Variants in PALM2AKAP2 observed in about 807,000 individuals in gnomAD.
PALM2AKAP2 encodes PALM2-AKAP2 fusion protein.
PALM2AKAP2 carries 37 observed loss-of-function variants against 71.5 expected under a neutral mutation model. The ratio of observed to expected loss-of-function variants is 0.52; its 90% confidence interval spans 0.40 to 0.68. The LOEUF (loss-of-function observed/expected upper bound fraction) is 0.68, where lower values mean the gene tolerates loss of function less well. Among genes scored for constraint, PALM2AKAP2 ranks in the 30% least tolerant of loss-of-function variants. The pLI is 0.00. For synonymous variants in PALM2AKAP2, 468 were observed against 478.8 expected (o/e 0.98, Z 0.29); for missense variants, 1,224 against 1,191.8 (o/e 1.03, Z -0.40).
At chr9:109,941,145 CTTTTTTTTTTTT>C (rs34635858) in intron 6 of PALM2AKAP2, among the ~76,000 whole-genome samples, 3 of 106,282 alleles carry the variant, frequency 2.8e-5, no homozygotes, top group Admixed American at 1.0e-4. Context: ...TCTTCCTCTT[CTTTTTTTTTTTT>C]TTTTTTTTTT....
intron 3 of PALM2AKAP2, among the ~76,000 whole-genome samples, chr9:109,898,700 C>T (rs183179798): frequency 2.6e-5 from 4 of 152,296 alleles, no homozygotes; most frequent in African/African-American, 9.6e-5. Context: ...AAAACACTTT[C>T]CCATCCCAAA....
intron 1 of PALM2AKAP2, among the ~76,000 whole-genome samples, chr9:109,809,649 G>A (rs1827675442): frequency 2.0e-5 from 3 of 152,370 alleles, no homozygotes; most frequent in Middle Eastern, 3.4e-3. Flanking sequence ...CTATTGGGAA[G>A]GCATGTTTGT....
upstream of PALM2AKAP2, among the ~76,000 whole-genome samples, chr9:109,779,963 C>G (rs1446850684): frequency 6.6e-6 from 1 of 152,010 alleles, no homozygotes; most frequent in African/African-American, 2.4e-5. Flanking sequence ...CGCGTGTCCA[C>G]GCGGGCGCGC....
chr9:109,791,306 G>T (rs1463436126), intron 1 of PALM2AKAP2, among the ~76,000 whole-genome samples: 1 of 152,246 alleles, frequency 6.6e-6, no homozygotes, highest in Admixed American at 6.5e-5. Flanking sequence ...TGAAAGTAAT[G>T]TAAACTGCTT....
chr9:109,988,954 C>T (rs998282153), intron 6 of PALM2AKAP2, among the ~76,000 whole-genome samples: 5 of 152,154 alleles, frequency 3.3e-5, no homozygotes, highest in Admixed American at 6.5e-5. Flanking sequence ...TTTTGCTTGG[C>T]TCTCATTCTC....
At chr9:109,967,116 CAA>C (rs1285532087) in intron 6 of PALM2AKAP2, among the ~76,000 whole-genome samples, 1 of 152,170 alleles carries the variant, frequency 6.6e-6, no homozygotes, top group Non-Finnish European at 1.5e-5. Flanking sequence ...GGGCAAGAGT[CAA>C]GAGTCATCCT....
chr9:110,014,478 A>T (rs1832933594), intron 6 of PALM2AKAP2, among the ~76,000 whole-genome samples: 1 of 152,014 alleles, frequency 6.6e-6, no homozygotes, highest in African/African-American at 2.4e-5. Flanking sequence ...GTTTTTAAAA[A>T]TATACACTTG....
At chr9:110,086,119 A>G (rs1019788083) in intron 1 of PALM2AKAP2, among the ~76,000 whole-genome samples, 2 of 151,966 alleles carry the variant, frequency 1.3e-5, no homozygotes, top group African/African-American at 2.4e-5. Context: ...AAAAAAAAAA[A>G]AAAAGAAATA....
chr9:109,909,629 A>G (rs1448074954), intron 3 of PALM2AKAP2, among the ~76,000 whole-genome samples: 7 of 152,242 alleles, frequency 4.6e-5, no homozygotes, highest in Admixed American at 6.5e-5. Context: ...TGATTAAAAT[A>G]CAGTGGGATA....
chr9:109,930,664 A>G (rs1348783719), intron 5 of PALM2AKAP2, among the ~76,000 whole-genome samples: 2 of 152,262 alleles, frequency 1.3e-5, no homozygotes, highest in Non-Finnish European at 2.9e-5. Context: ...AGCCTAGTCC[A>G]GTGTGTGTTT....
At chr9:109,729,368 G>T (rs1294846799) in intron 1 of PALM2AKAP2, among the ~76,000 whole-genome samples, 1 of 152,128 alleles carries the variant, frequency 6.6e-6, no homozygotes, top group Non-Finnish European at 1.5e-5. Context: ...AAACATAAGT[G>T]CAGGTGATCA....
chr9:109,915,960 T>G (rs1376283787), intron 3 of PALM2AKAP2, among the ~76,000 whole-genome samples: 1 of 152,040 alleles, frequency 6.6e-6, no homozygotes. Flanking sequence ...CTTTTTTTTT[T>G]TGAGATGGAA....
At chr9:109,877,342 A>G (rs1829743330) in intron 2 of PALM2AKAP2, among the ~76,000 whole-genome samples, 1 of 152,126 alleles carries the variant, frequency 6.6e-6, no homozygotes, top group Admixed American at 6.5e-5. Flanking sequence ...CATTGACTGA[A>G]TGAATAAATG....
chr9:110,130,490 C>T (rs1462152527), intron 1 of PALM2AKAP2, among the ~76,000 whole-genome samples: 1 of 152,172 alleles, frequency 6.6e-6, no homozygotes, highest in Non-Finnish European at 1.5e-5. Flanking sequence ...TAAATAAAGG[C>T]GACTTTAGTT....
At chr9:110,053,737 C>T (rs746646199) in intron 1 of PALM2AKAP2, among the ~76,000 whole-genome samples, 3 of 151,942 alleles carry the variant, frequency 2.0e-5, no homozygotes, top group Admixed American at 6.6e-5. Flanking sequence ...GATGATGTAG[C>T]TTCTTTTGAG....
intron 7 of PALM2AKAP2, among the ~76,000 whole-genome samples, chr9:110,017,621 T>A (rs556875246): frequency 6.6e-6 from 1 of 152,222 alleles, no homozygotes; most frequent in East Asian, 1.9e-4. Flanking sequence ...GAGTTGCTAG[T>A]GGGAGAGAAG....
intron 1 of PALM2AKAP2, among the ~76,000 whole-genome samples, chr9:109,837,069 C>T (rs936756868): frequency 1.3e-5 from 2 of 152,016 alleles, no homozygotes; most frequent in Non-Finnish European, 2.9e-5. Context: ...CTCCAAGACA[C>T]ATAATTGTCA....
At chr9:109,648,124 T>C (rs948115158) in intron 1 of PALM2AKAP2, among the ~76,000 whole-genome samples, 2 of 152,210 alleles carry the variant, frequency 1.3e-5, no homozygotes, top group Non-Finnish European at 2.9e-5. Flanking sequence ...CCCCTGCTCT[T>C]TCTCTCTGTC....
intron 1 of PALM2AKAP2, among the ~76,000 whole-genome samples, chr9:109,660,296 A>C (rs538344924): frequency 8.5e-5 from 13 of 152,252 alleles, no homozygotes; most frequent in African/African-American, 3.1e-4. Flanking sequence ...TGCTGCACCC[A>C]TCAACTCATC....
Sources: gnomAD v4.1 joint callset for allele counts (sites outside exome capture counted in the v4.1 genomes callset) on GRCh38, gnomAD v4.1.1 for gene constraint, MANE v1.5 for transcripts, NCBI Gene and HGNC (gene_info 2026-07-23, HGNC 2026-07-21) for gene names.